The following ROBO2 variants were observed in gnomAD, a reference collection of about 807,000 sequenced individuals.
The protein encoded by ROBO2 is roundabout homolog 2.
In ROBO2, 53 loss-of-function variants were observed where a neutral mutation model predicts 160.8. The ratio of observed to expected loss-of-function variants is 0.33; its 90% CI spans 0.26 to 0.41. The LOEUF (loss-of-function observed/expected upper bound fraction) is 0.41. Ranked by LOEUF, ROBO2 falls within the 10% of genes least tolerant of loss-of-function variation. The pLI, the probability that ROBO2 is intolerant of heterozygous loss-of-function variation, is 1.00. For missense variants in ROBO2, 1,577 were observed against 1,722.4 expected (o/e 0.92, Z 1.49); for synonymous variants, 664 against 611.7 (o/e 1.09, Z -1.26).
chr3:76,882,167 G>A (rs1236174789), intron 2 of ROBO2, among the ~76,000 whole-genome samples: 2 of 151,692 alleles, frequency 1.3e-5, no homozygotes, highest in South Asian at 2.1e-4. Context: ...GTGTGCGTGG[G>A]TGATGTTTGT....
At chr3:77,454,395 T>C (rs2081411318) in intron 2 of ROBO2, among the ~76,000 whole-genome samples, 1 of 152,162 alleles carries the variant, frequency 6.6e-6, no homozygotes, top group Non-Finnish European at 1.5e-5. Context: ...GTCATGCCCT[T>C]ATGCTAAATC....
intron 2 of ROBO2, among the ~76,000 whole-genome samples, chr3:76,561,169 C>T (rs528212590): frequency 2.6e-5 from 4 of 151,448 alleles, no homozygotes; most frequent in East Asian, 1.9e-4. Context: ...AACTAGATAA[C>T]GTATATTCTC....
At chr3:77,126,782 CTTTTTT>C (rs11365042) in intron 2 of ROBO2, among the ~76,000 whole-genome samples, 15 of 62,638 alleles carry the variant, frequency 2.4e-4, no homozygotes, top group African/African-American at 1.0e-3. Context: ...TTTGAAACTT[CTTTTTT>C]TTTTTTTTTT....
At chr3:76,257,143 A>G (rs541036359) in intron 2 of ROBO2, among the ~76,000 whole-genome samples, 1 of 151,960 alleles carries the variant, frequency 6.6e-6, no homozygotes, top group African/African-American at 2.4e-5. Flanking sequence ...AGGCATTATA[A>G]CTCACAACAT....
chr3:77,165,120 G>C (rs1239865347), intron 2 of ROBO2, among the ~76,000 whole-genome samples: 1 of 151,874 alleles, frequency 6.6e-6, no homozygotes, highest in Non-Finnish European at 1.5e-5. Flanking sequence ...GGAATGGAAA[G>C]GGGGGAAAGG....
chr3:76,777,381 T>A (rs1208085935), intron 2 of ROBO2, among the ~76,000 whole-genome samples: 1 of 150,972 alleles, frequency 6.6e-6, no homozygotes, highest in African/African-American at 2.4e-5. Flanking sequence ...CTGGTAGAAT[T>A]ATGTATGAGA....
intron 2 of ROBO2, among the ~76,000 whole-genome samples, chr3:76,487,537 T>G (rs1343353169): frequency 1.3e-5 from 2 of 152,194 alleles, no homozygotes; most frequent in Non-Finnish European, 2.9e-5. Context: ...GATTTTAAAG[T>G]AAGCCTAGTG....
chr3:76,927,570 T>A (rs1374250667), intron 2 of ROBO2, among the ~76,000 whole-genome samples: 1 of 152,176 alleles, frequency 6.6e-6, no homozygotes, highest in African/African-American at 2.4e-5. Context: ...AGGAAAGAAA[T>A]ACCATTTTAT....
intron 2 of ROBO2, among the ~76,000 whole-genome samples, chr3:77,013,825 A>G (rs1022909947): frequency 2.0e-5 from 3 of 152,246 alleles, no homozygotes; most frequent in Admixed American, 1.3e-4. Flanking sequence ...AACAGTTCCT[A>G]TCAGTTAACG....
At chr3:76,869,356 T>G (rs906081606) in intron 2 of ROBO2, among the ~76,000 whole-genome samples, 3 of 139,302 alleles carry the variant, frequency 2.2e-5, no homozygotes, top group Non-Finnish European at 3.1e-5. Flanking sequence ...TTTTTTTTTT[T>G]TTTTTTTTTT....
At chr3:77,582,038 T>G (rs2093931999) in intron 16 of ROBO2, among the ~76,000 whole-genome samples, 1 of 152,252 alleles carries the variant, frequency 6.6e-6, no homozygotes, top group Non-Finnish European at 1.5e-5. Context: ...TTACTTTGTC[T>G]GATATTAGCA....
intron 2 of ROBO2, among the ~76,000 whole-genome samples, chr3:77,362,931 C>T (rs114404087): frequency 0.011 from 1,741 of 152,094 alleles, 18 homozygotes; most frequent in Non-Finnish European, 0.018. Flanking sequence ...AAAGATGCCC[C>T]CAAGATTCAA....
At chr3:77,165,571 T>TAA (rs58426930) in intron 2 of ROBO2, among the ~76,000 whole-genome samples, 13,275 of 150,446 alleles carry the variant, frequency 0.088, 817 homozygotes, top group African/African-American at 0.18. Flanking sequence ...AAAAATAAAT[T>TAA]AAAAAAAAAA....
intron 2 of ROBO2, among the ~76,000 whole-genome samples, chr3:77,370,416 C>T (rs1484034166): frequency 2.0e-5 from 3 of 152,178 alleles, no homozygotes; most frequent in Non-Finnish European, 2.9e-5. Flanking sequence ...ATGAGGGCTC[C>T]GATTTTGACT....
At chr3:77,083,817 G>A (rs1314874126) in intron 1 of ROBO2, among the ~76,000 whole-genome samples, 3 of 152,102 alleles carry the variant, frequency 2.0e-5, no homozygotes, top group African/African-American at 4.8e-5. Context: ...GAGGAGAGAG[G>A]TGAGGGTTTC....
In ROBO2 at chr3:76,839,783, A is replaced by T. The variant is rs184095707; in HGVS notation, c.110-258231A>T. 1.6e-4 allele frequency among the ~76,000 whole-genome samples: 24 copies of T among 152,294 alleles called. No individual in the cohort carries two copies. In the East Asian group the frequency reaches 4.3e-3, roughly 27 times the overall value. Reference sequence around the variant, plus strand: ...AACATTTGGTAGAATTTAGCAGTGGAGCCAATGGGTCTTGTGCTTTTCTTT... The same window carrying T: ...AACATTTGGTAGAATTTAGCAGTGGTGCCAATGGGTCTTGTGCTTTTCTTT... On this transcript the variant is annotated intron_variant, in intron 2 of 26. Transcript: ENST00000487694.
intron 2 of ROBO2, among the ~76,000 whole-genome samples, chr3:77,158,582 T>C (rs879892609): frequency 6.6e-6 from 1 of 152,132 alleles, no homozygotes; most frequent in Non-Finnish European, 1.5e-5. Flanking sequence ...CCTCTCTAGC[T>C]CTTGCAACTC....
chr3:76,699,239 G>A (rs566639175), intron 2 of ROBO2, among the ~76,000 whole-genome samples: 1 of 152,188 alleles, frequency 6.6e-6, no homozygotes, highest in Non-Finnish European at 1.5e-5. Context: ...CTTTTGTTTG[G>A]CTCCTAATCA....
intron 2 of ROBO2, among the ~76,000 whole-genome samples, chr3:75,968,616 A>G (rs2064884062): frequency 6.6e-6 from 1 of 151,628 alleles, no homozygotes. Flanking sequence ...ATATACTTTT[A>G]GAAAATTTTC....
Sources: gnomAD v4.1 joint callset for allele counts (sites outside exome capture counted in the v4.1 genomes callset) on GRCh38, gnomAD v4.1.1 for gene constraint, MANE v1.5 for transcripts, NCBI Gene and HGNC (gene_info 2026-07-23, HGNC 2026-07-21) for gene names.